CDKN2B-AS1: variants seen among roughly 807,000 people sequenced by gnomAD.
CDKN2B-AS1 encodes CDKN2B and CDKN2A antisense cis and trans regulatory RNA 1.
At chr9:22,040,317 T>C (rs1040792242) in intron 1 of CDKN2B-AS1, among the ~76,000 whole-genome samples, 2 of 152,088 alleles carry the variant, frequency 1.3e-5, no homozygotes, top group African/African-American at 4.8e-5. Context: ...TGGAGCCTCA[T>C]AGAAATTAAA....
chr9:22,092,785 A>G (rs911876388), intron 4 of CDKN2B-AS1, among the ~76,000 whole-genome samples: 2 of 152,014 alleles, frequency 1.3e-5, no homozygotes, highest in African/African-American at 2.4e-5. Context: ...TCCTGGATTC[A>G]TTGATTTTTT....
chr9:22,118,280 A>AG (rs1826007407), intron 4 of CDKN2B-AS1: 1 of 152,142 alleles, frequency 6.6e-6, no homozygotes, highest in African/African-American at 2.4e-5. Flanking sequence ...AGAGAGAGAG[A>AG]AAGAGAGACA....
At chr9:22,077,379 T>C (rs908863684) in intron 4 of CDKN2B-AS1, among the ~76,000 whole-genome samples, 3 of 152,188 alleles carry the variant, frequency 2.0e-5, no homozygotes, top group African/African-American at 4.8e-5. Context: ...GGACATTAAA[T>C]TGCCAATGGA....
chr9:22,016,295 A>C (rs568707720), intron 1 of CDKN2B-AS1, among the ~76,000 whole-genome samples: 66 of 152,350 alleles, frequency 4.3e-4, no homozygotes, highest in Admixed American at 9.2e-4. Flanking sequence ...ATGAAATAAA[A>C]GAGGATACAA....
rs973272736 is a variant in CDKN2B-AS1, at chr9:22,039,456, A to T, written n.30-7295A>T. On this transcript the variant is annotated intron_variant and non_coding_transcript_variant, in intron 1 of 4. Coordinates refer to ENST00000650946, the Ensembl canonical transcript of CDKN2B-AS1. This position sits in a 1 kb window ranked among gnomAD's most constrained non-coding sequence, Gnocchi z 4.4. The stretch of plus-strand genomic sequence containing the variant: ...TGTTTTAGCTGTGTCTTAATTGCGC[A>T]ACATCTGTTTACTCTGTGTTTTAAC... 1.3e-5 allele frequency among the ~76,000 whole-genome samples: 2 copies of T among 151,954 alleles called. No individual in the cohort carries two copies. Among genetic ancestry groups the T allele is most frequent in the African/African-American group, 4.8e-5 (2 of 41,402 alleles).
chr9:22,059,340 C>T (rs531418322), intron 4 of CDKN2B-AS1, among the ~76,000 whole-genome samples: 136 of 152,174 alleles, frequency 8.9e-4, no homozygotes, highest in African/African-American at 3.1e-3. Flanking sequence ...AGAAATTGGC[C>T]GAAGCAAAAG....
At chr9:22,064,052 G>A (rs991196123) in intron 4 of CDKN2B-AS1, 2 of 152,194 alleles carry the variant, frequency 1.3e-5, no homozygotes, top group African/African-American at 4.8e-5. Flanking sequence ...GTGGCAGGGG[G>A]TATAAGTTTA....
intron 4 of CDKN2B-AS1, among the ~76,000 whole-genome samples, chr9:22,113,145 G>C (rs1360466610): frequency 6.6e-6 from 1 of 152,174 alleles, no homozygotes; most frequent in Non-Finnish European, 1.5e-5. Context: ...GGCTCGGCTG[G>C]GTTCTCTGCT....
chr9:22,014,179 T>A (rs1188046190), intron 1 of CDKN2B-AS1, among the ~76,000 whole-genome samples: 2 of 152,126 alleles, frequency 1.3e-5, no homozygotes, highest in Non-Finnish European at 2.9e-5. Context: ...TATTTATTAT[T>A]TGAGACAGAG....
In CDKN2B-AS1 at chr9:22,005,344, C is replaced by T; in HGVS notation, n.29+10183C>T. On this transcript the variant is annotated intron_variant and non_coding_transcript_variant, in intron 1 of 4. Coordinates refer to ENST00000650946, the Ensembl canonical transcript of CDKN2B-AS1. This position sits in a 1 kb window ranked among gnomAD's most constrained non-coding sequence, Gnocchi z 4.9. Reference sequence around the variant, plus strand: ...GTCGCTTGCACATCCTCTCTTACCCCTCTGCTATCTGGTGGAGTTGGGCGA... The same window carrying T: ...GTCGCTTGCACATCCTCTCTTACCCTTCTGCTATCTGGTGGAGTTGGGCGA... 4.1e-6 allele frequency: 1 copy of T among 242,256 alleles called. No homozygotes were observed. Among genetic ancestry groups the T allele is most frequent in the East Asian group, 5.9e-5 (1 of 16,912 alleles). 15.0% of individuals were successfully genotyped at this position (242,256 alleles called of 1,614,324 possible).
intron 1 of CDKN2B-AS1, chr9:22,008,776 G>T: frequency 6.2e-7 from 1 of 1,608,096 alleles, no homozygotes; most frequent in East Asian, 2.2e-5. Context: ...CCCTGCCGGC[G>T]AGGCCCTGGG....
intron 1 of CDKN2B-AS1, among the ~76,000 whole-genome samples, chr9:22,015,023 G>T (rs952430255): frequency 1.3e-5 from 2 of 151,800 alleles, no homozygotes; most frequent in African/African-American, 4.8e-5. Flanking sequence ...TGGACATTTG[G>T]GTTGGTTCCA....
chr9:22,106,648 A>G (rs1194427918), intron 4 of CDKN2B-AS1, among the ~76,000 whole-genome samples: 2 of 152,242 alleles, frequency 1.3e-5, no homozygotes, highest in African/African-American at 4.8e-5. Context: ...CAAAGTAGGC[A>G]CTTCATATAT....
intron 1 of CDKN2B-AS1, among the ~76,000 whole-genome samples, chr9:22,038,621 T>G (rs1483831138): frequency 1.3e-5 from 2 of 152,020 alleles, no homozygotes; most frequent in African/African-American, 4.8e-5. Context: ...ATTCAGTCCT[T>G]TTACTTTTTC....
At chr9:22,031,466 G>A (rs754245288) in intron 1 of CDKN2B-AS1, among the ~76,000 whole-genome samples, 2 of 152,148 alleles carry the variant, frequency 1.3e-5, no homozygotes, top group Non-Finnish European at 2.9e-5. Context: ...AAATCTCATA[G>A]TAAATTGCTA....
chr9:22,103,740 C>T (rs1050400497), intron 4 of CDKN2B-AS1, among the ~76,000 whole-genome samples: 1 of 152,152 alleles, frequency 6.6e-6, no homozygotes, highest in Non-Finnish European at 1.5e-5. Flanking sequence ...CAGCCAACCC[C>T]CTGTATTGTA....
In CDKN2B-AS1 at chr9:22,006,037, G is replaced by A. The variant is rs1167893458; in HGVS notation, n.29+10876G>A. On this transcript the variant is annotated intron_variant and non_coding_transcript_variant, in intron 1 of 4. Coordinates refer to ENST00000650946, the Ensembl canonical transcript of CDKN2B-AS1. This position sits in a 1 kb window ranked among gnomAD's most constrained non-coding sequence, Gnocchi z 6.4. ...TACCCTGCAACGTCGCGGTGGCCCCGCTCCTCGGCCAAGTCCACGGGCAGA... is the reference window on the plus strand; with the variant it reads ...TACCCTGCAACGTCGCGGTGGCCCCACTCCTCGGCCAAGTCCACGGGCAGA... The A allele has an allele frequency of 6.9e-6, 11 of 1,604,112 alleles. No homozygotes were observed. Among genetic ancestry groups the A allele is most frequent in the African/African-American group, 1.3e-5 (1 of 74,918 alleles).
rs1821876934 is a variant in CDKN2B-AS1 at position 22,018,445 on chromosome 9, GTC to G, written n.29+23285_29+23286del. Among the ~76,000 whole-genome samples the G allele has an allele frequency of 2.6e-5, 4 of 152,106 alleles. No individual in the cohort carries two copies. In the South Asian group the frequency reaches 8.3e-4, roughly 32 times the overall value. ...GGCCGAGGCGGGTGGATCACCTGAG[GTC>G]AGCAGTTCAGACCAGCCTGGCCAAC... On this transcript the variant is annotated intron_variant and non_coding_transcript_variant, in intron 1 of 4. Transcript: ENST00000650946.
intron 2 of CDKN2B-AS1, among the ~76,000 whole-genome samples, chr9:22,048,813 G>A (rs946808491): frequency 3.9e-5 from 6 of 152,130 alleles, no homozygotes; most frequent in Non-Finnish European, 8.8e-5. Flanking sequence ...ACTCTTCCTT[G>A]TCATGTTGGT....
Sources: allele counts gnomAD v4.1 joint callset (sites outside exome capture counted in the v4.1 genomes callset), GRCh38; gene constraint gnomAD v4.1.1; non-coding constraint Gnocchi (gnomAD v3.1); transcripts MANE v1.5; gene names NCBI Gene and HGNC (gene_info 2026-07-23, HGNC 2026-07-21).